UBTD1: variants seen among roughly 807,000 people sequenced by gnomAD.
UBTD1 encodes ubiquitin domain-containing protein 1.
In UBTD1, 19 loss-of-function variants were observed where a neutral mutation model predicts 21.7. That is an observed-to-expected ratio of 0.87 (90% CI 0.61 to 1.28). The LOEUF is 1.28. Among genes scored for constraint, UBTD1 ranks in the 50% most tolerant of loss-of-function variants. UBTD1 has a pLI of 0.00. For synonymous variants in UBTD1, 116 were observed against 135.1 expected, an observed-to-expected ratio of 0.86 and a Z score of 0.98; for missense variants, 282 against 315.1, an observed-to-expected ratio of 0.89 and a Z score of 0.80.
intron 1 of UBTD1, among the ~76,000 whole-genome samples, chr10:97,544,872 A>C (rs896590711): frequency 1.3e-5 from 2 of 152,054 alleles, no homozygotes; most frequent in African/African-American, 4.8e-5. Context: ...TATATTTACT[A>C]TTCATTAAGT....
intron 1 of UBTD1, among the ~76,000 whole-genome samples, chr10:97,510,672 C>T (rs530714914): frequency 3.3e-5 from 5 of 152,242 alleles, no homozygotes; most frequent in South Asian, 4.1e-4. Context: ...TTGAGATATA[C>T]GGCCAGTGAA....
At chr10:97,560,907 A>C (rs1490130147) in intron 1 of UBTD1, among the ~76,000 whole-genome samples, 1 of 132,780 alleles carries the variant, frequency 7.5e-6, no homozygotes, top group African/African-American at 2.5e-5. Flanking sequence ...CAGAGTATCC[A>C]GAAATCCAAG....
At chr10:97,561,264 G>A (rs1209411514) in intron 1 of UBTD1, among the ~76,000 whole-genome samples, 3 of 152,116 alleles carry the variant, frequency 2.0e-5, no homozygotes, top group Non-Finnish European at 1.5e-5. Flanking sequence ...GGTCTAAGCC[G>A]TCTGAGGGGC....
At chr10:97,533,057 C>CA (rs1220906455) in intron 1 of UBTD1, among the ~76,000 whole-genome samples, 1 of 152,202 alleles carries the variant, frequency 6.6e-6, no homozygotes, top group Non-Finnish European at 1.5e-5. Flanking sequence ...CTGACTCCTG[C>CA]ATGGTGTTTC....
rs1191554081 is a variant in UBTD1 at position 97,516,226 on chromosome 10, A to T, written c.70+16953A>T. On this transcript the variant is annotated intron_variant, in intron 1 of 2. Transcript: ENST00000370664. ...CTGGCCTCCTGGGAGCTGAGGCTGGAAGGCAGTCAGGAGTGGAGGTGGCCC... is the reference window on the plus strand; with the variant it reads ...CTGGCCTCCTGGGAGCTGAGGCTGGTAGGCAGTCAGGAGTGGAGGTGGCCC... Among the ~76,000 whole-genome samples, 10 of 152,346 alleles carry T rather than the reference A, an allele frequency of 6.6e-5. No individual in the cohort carries two copies. The East Asian group carries it at 1.7e-3, about 26-fold the overall frequency.
chr10:97,533,904 C>G (rs1343325529), intron 1 of UBTD1, among the ~76,000 whole-genome samples: 1 of 135,824 alleles, frequency 7.4e-6, no homozygotes, highest in Non-Finnish European at 1.5e-5. Flanking sequence ...GCCTGCGTGA[C>G]AAAGCAAGAC....
chr10:97,504,026 A>G (rs2040388433), intron 1 of UBTD1, among the ~76,000 whole-genome samples: 2 of 152,206 alleles, frequency 1.3e-5, no homozygotes, highest in South Asian at 4.2e-4. Flanking sequence ...ATCCCAGTTC[A>G]TGATGATTTC....
intron 2 of UBTD1, among the ~76,000 whole-genome samples, chr10:97,568,673 C>T (rs987707914): frequency 5.9e-5 from 9 of 152,030 alleles, no homozygotes; most frequent in African/African-American, 1.9e-4. Flanking sequence ...CCACTGGCCT[C>T]AGCCTCCCAA....
chr10:97,545,338 C>CAA (rs71007349), intron 1 of UBTD1, among the ~76,000 whole-genome samples: 126 of 126,768 alleles, frequency 9.9e-4, no homozygotes, highest in South Asian at 2.6e-3. Context: ...GACTCCGTCT[C>CAA]AAAAAAAAAA....
chr10:97,531,580 T>A (rs1172264552), intron 1 of UBTD1, among the ~76,000 whole-genome samples: 1 of 151,982 alleles, frequency 6.6e-6, no homozygotes, highest in African/African-American at 2.4e-5. Flanking sequence ...ATGTAAAAAA[T>A]AAGAAAAGTG....
At chr10:97,502,786 C>T (rs753520698) in intron 1 of UBTD1, among the ~76,000 whole-genome samples, 4 of 151,366 alleles carry the variant, frequency 2.6e-5, no homozygotes, top group Non-Finnish European at 4.4e-5. Context: ...GGGAGAGGTC[C>T]TCTCGTCTCA....
chr10:97,538,460 A>G (rs1031540972), intron 1 of UBTD1, among the ~76,000 whole-genome samples: 3 of 152,240 alleles, frequency 2.0e-5, no homozygotes, highest in Non-Finnish European at 2.9e-5. Flanking sequence ...ACACATTCAA[A>G]TATATTCAAA....
Position 97,500,165 on chromosome 10 carries a change from T to C in UBTD1, c.70+892T>C, listed in dbSNP as rs2040352742. 2.0e-5 allele frequency among the ~76,000 whole-genome samples: 3 copies of C among 152,340 alleles called. No individual in the cohort carries two copies. In the South Asian group the frequency reaches 6.2e-4, roughly 32 times the overall value. On this transcript the variant is annotated intron_variant, in intron 1 of 2. Transcript: ENST00000370664. ...AGATCCTGAGAGGTTGAACACCTTG[T>C]CCAAAGTCACACAGCTAGTTAGGAG...
At position 97,509,931 on chromosome 10, in the gene UBTD1, A is replaced by G. The variant is rs1161198647; in HGVS notation, c.70+10658A>G. Among the ~76,000 whole-genome samples the G allele has an allele frequency of 1.7e-4, 26 of 150,096 alleles. 1 individual carries two copies. Among genetic ancestry groups the G allele is most frequent in the Admixed American group, 1.3e-3 (19 of 15,112 alleles). Reference sequence around the variant, plus strand: ...CTCCCAAAGTGTTGGGATTACAGGCATGAGCCACCATGCCTGTGCCTGGCC... The same window carrying G: ...CTCCCAAAGTGTTGGGATTACAGGCGTGAGCCACCATGCCTGTGCCTGGCC... On this transcript the variant is annotated intron_variant, in intron 1 of 2. Coordinates refer to ENST00000370664, the MANE Select transcript of UBTD1 (RefSeq NM_024954.5).
chr10:97,522,309 AGAGT>A (rs2040470058), intron 1 of UBTD1, among the ~76,000 whole-genome samples: 1 of 152,252 alleles, frequency 6.6e-6, no homozygotes, highest in Non-Finnish European at 1.5e-5. Context: ...GTCTCTCTGT[AGAGT>A]GAGTGCCTGT....
At chr10:97,547,387 A>G (rs568522113) in intron 1 of UBTD1, among the ~76,000 whole-genome samples, 1 of 151,882 alleles carries the variant, frequency 6.6e-6, no homozygotes, top group East Asian at 1.9e-4. Flanking sequence ...TTTATTAGCC[A>G]CCATCCTCCC....
At chr10:97,548,946 G>A (rs10882961) in intron 1 of UBTD1, among the ~76,000 whole-genome samples, 42,291 of 152,004 alleles carry the variant, frequency 0.28, 6,108 homozygotes, top group East Asian at 0.49. Flanking sequence ...ATGTGGCCAG[G>A]GCCCCCAGGC....
intron 1 of UBTD1, among the ~76,000 whole-genome samples, chr10:97,532,798 A>AAAG (rs1554865647): frequency 3.8e-4 from 57 of 148,908 alleles, no homozygotes; most frequent in Non-Finnish European, 4.0e-4. Context: ...CTCAAAAAAA[A>AAAG]AAAGAAAGAA....
intron 1 of UBTD1, among the ~76,000 whole-genome samples, chr10:97,545,639 C>G (rs2040607383): frequency 6.6e-6 from 1 of 152,184 alleles, no homozygotes; most frequent in South Asian, 2.1e-4. Context: ...CTCCCTGCCT[C>G]CTAGAAGAGA....
Sources: gnomAD v4.1 joint callset for allele counts (sites outside exome capture counted in the v4.1 genomes callset) on GRCh38, gnomAD v4.1.1 for gene constraint, MANE v1.5 for transcripts, NCBI Gene and HGNC (gene_info 2026-07-23, HGNC 2026-07-21) for gene names.